The following UBAP2L variants were observed in gnomAD, a reference collection of about 807,000 sequenced individuals.
UBAP2L encodes ubiquitin associated protein 2 like.
Under a neutral mutation model 130.6 loss-of-function variants are expected in UBAP2L, and 12 were observed. The ratio of observed to expected loss-of-function variants is 0.09; its 90% CI spans 0.06 to 0.15. The LOEUF (loss-of-function observed/expected upper bound fraction) is 0.15. Among genes scored for constraint, UBAP2L ranks in the 10% least tolerant of loss-of-function variants. The pLI is 1.00. For synonymous variants in UBAP2L, 503 were observed against 524.7 expected, an observed-to-expected ratio of 0.96 and a Z score of 0.57; for missense variants, 965 against 1,332.5, an observed-to-expected ratio of 0.72 and a Z score of 4.29.
chr1:154,257,337 C>A lies in UBAP2L; in HGVS notation c.2354-9C>A. ...GTGTGATGGGATAAAAATGTAATTT[C>A]TCTTTTAGGAAAAGCTCCTCCCAAC... On this transcript the variant is annotated splice_polypyrimidine_tract_variant and intron_variant, in intron 19 of 26. Transcript: ENST00000428931. The A allele has an allele frequency of 6.2e-7, 1 of 1,614,156 alleles. No homozygotes were observed. Among genetic ancestry groups the A allele is most frequent in the East Asian group, 2.2e-5 (1 of 44,886 alleles).
chr1:154,225,264 T>C (rs1313166762), intron 2 of UBAP2L, 51 bp downstream of exon 2: 10 of 1,579,200 alleles, frequency 6.3e-6, no homozygotes, highest in Non-Finnish European at 8.7e-6. Context: ...CTGCTGATAC[T>C]GGTTTCCATG....
At position 154,254,900 on chromosome 1, in the gene UBAP2L, C is replaced by G; in HGVS notation, c.1909+10C>G. Reference sequence around the variant, plus strand: ...ACACAATCTGTTGAAGGTGAGTGTTCTTCAGGCTTTTCCCCTCCTAAGTTT... The same window carrying G: ...ACACAATCTGTTGAAGGTGAGTGTTGTTCAGGCTTTTCCCCTCCTAAGTTT... On this transcript the variant is annotated intron_variant, in intron 16 of 26. Transcript: ENST00000428931. 1.3e-6 allele frequency: 2 copies of G among 1,595,656 alleles called. No individual in the cohort carries two copies. Among genetic ancestry groups the G allele is most frequent in the South Asian group, 1.2e-5 (1 of 86,382 alleles).
At position 154,221,616 on chromosome 1, in the gene UBAP2L, G is replaced by T. The variant is rs1666138739; in HGVS notation, c.-41+641G>T. On this transcript the variant is annotated intron_variant, in intron 1 of 26. Transcript: ENST00000428931. ...CGGCTGGGAGGTAGGGAGGAGATTG[G>T]CCCCGTGGGCTCTCGATGTGGCGCT... Among the ~76,000 whole-genome samples, 5 of 152,330 alleles carry T rather than the reference G, an allele frequency of 3.3e-5. 1 individual carries two copies. The South Asian group carries it at 8.3e-4, about 25-fold the overall frequency.
chr1:154,237,182 G>A (rs776906106), intron 8 of UBAP2L, 46 bp downstream of exon 8: 100 of 1,538,704 alleles, frequency 6.5e-5, no homozygotes, highest in Non-Finnish European at 7.5e-5. Flanking sequence ...GGAATCTAAG[G>A]AAATAGTTTT....
chr1:154,232,890 G>A (rs1045069409), intron 4 of UBAP2L, among the ~76,000 whole-genome samples: 4 of 152,084 alleles, frequency 2.6e-5, no homozygotes, highest in African/African-American at 9.7e-5. Context: ...AGAGACCAGA[G>A]TCTCATTTGG....
intron 17 of UBAP2L, 150 bp downstream of exon 17, chr1:154,255,476 AG>A: frequency 8.2e-7 from 1 of 1,220,132 alleles, no homozygotes; most frequent in East Asian, 2.4e-5. Flanking sequence ...GTGAAGACAG[AG>A]GAGGCTTGTT....
At chr1:154,220,289 G>A (rs1034178381), upstream of UBAP2L, 24 of 1,598,256 alleles carry the variant, frequency 1.5e-5, no homozygotes, top group East Asian at 8.9e-5. Context: ...CAAAAGGAGG[G>A]TCTCTACTGG....
At chr1:154,256,083 G>T (rs990560117) in intron 18 of UBAP2L, among the ~76,000 whole-genome samples, 1 of 152,126 alleles carries the variant, frequency 6.6e-6, no homozygotes, top group Admixed American at 6.5e-5. Flanking sequence ...TCTTTCCTTG[G>T]TCTTGGGTAT....
At chr1:154,236,497 C>T in intron 6 of UBAP2L, 69 bp from the exon 7 acceptor site, 2 of 1,564,370 alleles carry the variant, frequency 1.3e-6, no homozygotes, top group Non-Finnish European at 1.8e-6. Context: ...ACTGTGCCTG[C>T]CTGGCAAGGA....
Position 154,228,719 on chromosome 1 carries a change from A to G in UBAP2L, c.273A>G (p.Pro91=). Residue 91 remains proline, a synonymous_variant, in exon 4 of 27, where the codon CCA becomes CCG. Coordinates refer to ENST00000428931, the MANE Select transcript of UBAP2L (RefSeq NM_014847.4). ...TCAATGTTCTTCTGGAAGGAAACCC[A>G]GACACGGTAGAGTGCTTATAGAGTG... The part of the protein sequence containing the change: ...RAINVLLEGN[P]DTHSWEMVGK... 2 of 1,610,334 alleles carry G rather than the reference A, an allele frequency of 1.2e-6. No individual in the cohort carries two copies. Among genetic ancestry groups the G allele is most frequent in the Non-Finnish European group, 1.7e-6 (2 of 1,179,130 alleles).
intron 4 of UBAP2L, among the ~76,000 whole-genome samples, chr1:154,233,612 C>T (rs921317057): frequency 5.3e-5 from 8 of 150,816 alleles, no homozygotes; most frequent in Non-Finnish European, 2.9e-5. Context: ...TGTGAGCCAC[C>T]GCACCTGGCC....
At position 154,270,672 on chromosome 1, in the gene UBAP2L, T is replaced by G; in HGVS notation, c.*377T>G. The G allele has an allele frequency of 7.1e-7, 1 of 1,411,704 alleles. No homozygotes were observed. The highest frequency in any genetic ancestry group is 1.6e-5 in the South Asian group (1 of 61,472). The allele number at this position is 1,411,704 out of a possible 1,614,324, so 87.4% of individuals were successfully genotyped here. On this transcript the variant is annotated 3_prime_UTR_variant, in exon 27 of 27. Transcript: ENST00000428931. ...AGCCCAACAGCCCTAAGTCTCCTTC[T>G]TTATTATTAGGAAAACAACAACAAC...
chr1:154,261,385 C>T (rs949754921), intron 23 of UBAP2L, among the ~76,000 whole-genome samples: 10 of 152,264 alleles, frequency 6.6e-5, no homozygotes, highest in African/African-American at 2.4e-4. Context: ...CTGCCATTGT[C>T]CCTTTTTCTT....
chr1:154,240,111 T>C (rs1254093382), intron 8 of UBAP2L, among the ~76,000 whole-genome samples: 9 of 152,202 alleles, frequency 5.9e-5, no homozygotes, highest in Non-Finnish European at 1.5e-5. Flanking sequence ...TGTCAGACTT[T>C]TCATTTCATT....
intron 2 of UBAP2L, among the ~76,000 whole-genome samples, chr1:154,225,813 ATC>A (rs994916185): frequency 6.6e-5 from 10 of 152,126 alleles, no homozygotes; most frequent in African/African-American, 2.4e-4. Context: ...CCACCTTGAT[ATC>A]TCTCTCTTTT....
chr1:154,228,875 G>A (rs1192883717), intron 4 of UBAP2L, 150 bp downstream of exon 4: 1 of 518,318 alleles, frequency 1.9e-6, no homozygotes, highest in East Asian at 3.3e-5. Context: ...TTCACCACAG[G>A]TTATAAATAC....
chr1:154,247,017 A>T (rs577008759), intron 11 of UBAP2L, among the ~76,000 whole-genome samples: 5 of 152,332 alleles, frequency 3.3e-5, no homozygotes, highest in African/African-American at 1.2e-4. Flanking sequence ...ACGACATCAA[A>T]GGAATCATTT....
chr1:154,260,159 G>A (rs1379469570), intron 22 of UBAP2L, 130 bp downstream of exon 22: 2 of 944,322 alleles, frequency 2.1e-6, no homozygotes, highest in South Asian at 1.5e-5. Context: ...CTAAAGTTGG[G>A]CATGTCATGG....
chr1:154,263,979 C>A (rs927848865), intron 24 of UBAP2L, among the ~76,000 whole-genome samples: 2 of 152,208 alleles, frequency 1.3e-5, no homozygotes, highest in African/African-American at 4.8e-5. Context: ...TCTGTGGCGA[C>A]TGTGCTATCC....
Sources: allele counts gnomAD v4.1 joint callset (sites outside exome capture counted in the v4.1 genomes callset), GRCh38; gene constraint gnomAD v4.1.1; transcripts MANE v1.5; gene names NCBI Gene and HGNC (gene_info 2026-07-23, HGNC 2026-07-21).